The following EPB41L4A variants were observed in gnomAD, a reference collection of about 807,000 sequenced individuals.
EPB41L4A encodes erythrocyte membrane protein band 4.1 like 4A, also known as band 4.1-like protein 4A.
Under a neutral mutation model 108.6 loss-of-function variants are expected in EPB41L4A, and 100 were observed. The observed-to-expected ratio is 0.92, with a 90% CI of 0.78 to 1.09. The LOEUF is 1.09. Among genes scored for constraint, EPB41L4A ranks in the 50% least tolerant of loss-of-function variants. The pLI is 0.00. For missense variants in EPB41L4A, 1,030 were observed against 842.7 expected (o/e 1.22, Z -2.75); for synonymous variants, 319 against 289.0 (o/e 1.10, Z -1.05).
chr5:112,298,764 TC>T (rs1754174290), intron 2 of EPB41L4A, among the ~76,000 whole-genome samples: 2 of 152,208 alleles, frequency 1.3e-5, no homozygotes, highest in African/African-American at 4.8e-5. Flanking sequence ...TCAACTTGAA[TC>T]CATCTGGTCC....
downstream of EPB41L4A, among the ~76,000 whole-genome samples, chr5:112,158,134 G>A (rs921681191): frequency 3.3e-5 from 5 of 152,162 alleles, no homozygotes; most frequent in Admixed American, 2.0e-4. Flanking sequence ...AAAGTTTAGG[G>A]AAGAGATACA....
intron 4 of EPB41L4A, among the ~76,000 whole-genome samples, chr5:112,272,470 G>C (rs1409115333): frequency 6.6e-6 from 1 of 151,800 alleles, no homozygotes; most frequent in African/African-American, 2.4e-5. Flanking sequence ...AAACAACCTG[G>C]ATGGCCAAAG....
chr5:112,206,670 T>TA (rs1470847032), intron 13 of EPB41L4A, among the ~76,000 whole-genome samples: 2 of 151,952 alleles, frequency 1.3e-5, no homozygotes, highest in Non-Finnish European at 2.9e-5. Flanking sequence ...AATAGGGAGA[T>TA]AAAAGAGGAA....
At chr5:112,145,867 A>C (rs1490744232) in intron 13 of EPB41L4A, 1 of 453,526 alleles carries the variant, frequency 2.2e-6, no homozygotes, top group Admixed American at 2.4e-5. Context: ...ATCAATATAC[A>C]TAATTACACT....
In EPB41L4A at chr5:112,346,216, ATTTTTTTTTT is replaced by A. The variant is rs561328868; in HGVS notation, c.100-38736_100-38727del. Among the ~76,000 whole-genome samples the A allele has an allele frequency of 6.1e-4, 41 of 67,348 alleles. 1 individual carries two copies. The South Asian group carries it at 0.019, about 32-fold the overall frequency. The allele number at this position is 67,348 out of a possible 152,430, so 44.2% of individuals were successfully genotyped here. On this transcript the variant is annotated intron_variant, in intron 1 of 22. Coordinates refer to ENST00000261486, the MANE Select transcript of EPB41L4A (RefSeq NM_022140.5). Reference sequence around the variant, plus strand: ...AATTCTTTAAAGTTAGGTACATTGCATTTTTTTTTTTTTTTTTTTTTTTTTTTGAGAAGGA... The same window carrying A: ...AATTCTTTAAAGTTAGGTACATTGCATTTTTTTTTTTTTTTTTGAGAAGGA...
At chr5:112,362,098 AATTTT>A (rs1758805179) in intron 1 of EPB41L4A, among the ~76,000 whole-genome samples, 1 of 152,040 alleles carries the variant, frequency 6.6e-6, no homozygotes, top group Non-Finnish European at 1.5e-5. Flanking sequence ...TCATAGCATT[AATTTT>A]ATTTAGTTTT....
At chr5:112,276,903 C>A (rs1303659638) in intron 3 of EPB41L4A, among the ~76,000 whole-genome samples, 1 of 152,104 alleles carries the variant, frequency 6.6e-6, no homozygotes, top group Non-Finnish European at 1.5e-5. Flanking sequence ...TAAAGACACT[C>A]CTTATGCTAC....
At chr5:112,376,436 C>T (rs1199322918) in intron 1 of EPB41L4A, among the ~76,000 whole-genome samples, 4 of 152,130 alleles carry the variant, frequency 2.6e-5, no homozygotes, top group Non-Finnish European at 5.9e-5. Flanking sequence ...CTGGTGGGAC[C>T]GTAAAATGGT....
At chr5:112,414,016 C>T (rs1422699569) in intron 1 of EPB41L4A, among the ~76,000 whole-genome samples, 2 of 152,168 alleles carry the variant, frequency 1.3e-5, no homozygotes, top group Non-Finnish European at 2.9e-5. Flanking sequence ...AAGGTGAATA[C>T]TGTACATCAT....
At chr5:112,190,474 G>A (rs1369514525) in intron 17 of EPB41L4A, among the ~76,000 whole-genome samples, 1 of 152,146 alleles carries the variant, frequency 6.6e-6, no homozygotes, top group Non-Finnish European at 1.5e-5. Context: ...GAATCCTGGT[G>A]TAAAAATAAC....
At chr5:112,218,194 G>A (rs900722779) in intron 12 of EPB41L4A, among the ~76,000 whole-genome samples, 4 of 152,216 alleles carry the variant, frequency 2.6e-5, no homozygotes, top group African/African-American at 9.7e-5. Context: ...CTTCAAAGGA[G>A]TAGGATGAGA....
At chr5:112,297,691 T>C (rs1754088124) in intron 2 of EPB41L4A, among the ~76,000 whole-genome samples, 1 of 152,220 alleles carries the variant, frequency 6.6e-6, no homozygotes, top group African/African-American at 2.4e-5. Flanking sequence ...GGGTTCTTGG[T>C]CATGAAATCT....
At chr5:112,227,959 G>A (rs540969231) in intron 12 of EPB41L4A, among the ~76,000 whole-genome samples, 1 of 152,288 alleles carries the variant, frequency 6.6e-6, no homozygotes, top group African/African-American at 2.4e-5. Flanking sequence ...ATCATCCCCT[G>A]GAGTTGGCCC....
chr5:112,155,958 A>T (rs1759632472), intron 12 of EPB41L4A, among the ~76,000 whole-genome samples: 1 of 152,158 alleles, frequency 6.6e-6, no homozygotes, highest in African/African-American at 2.4e-5. Context: ...TCAAATTTTT[A>T]AAACAGTATG....
chr5:112,208,765 C>T (rs961287142), intron 13 of EPB41L4A, among the ~76,000 whole-genome samples: 1 of 152,162 alleles, frequency 6.6e-6, no homozygotes, highest in African/African-American at 2.4e-5. Flanking sequence ...GGATTGTACT[C>T]CTTCTGCACA....
chr5:112,197,721 G>A (rs1334002258), intron 15 of EPB41L4A, among the ~76,000 whole-genome samples: 1 of 152,052 alleles, frequency 6.6e-6, no homozygotes, highest in Non-Finnish European at 1.5e-5. Context: ...CTCATACCTG[G>A]ACCTTTGACT....
At chr5:112,325,729 C>T (rs761830943) in intron 1 of EPB41L4A, among the ~76,000 whole-genome samples, 1 of 152,176 alleles carries the variant, frequency 6.6e-6, no homozygotes, top group Non-Finnish European at 1.5e-5. Flanking sequence ...AGGTTTCATC[C>T]AGCCCTACTT....
At chr5:112,296,508 T>A (rs936812643) in intron 2 of EPB41L4A, among the ~76,000 whole-genome samples, 1 of 152,120 alleles carries the variant, frequency 6.6e-6, no homozygotes, top group African/African-American at 2.4e-5. Flanking sequence ...AGAGTTGGAA[T>A]CATTCCAGGA....
chr5:112,275,465 T>C (rs1752566823), intron 3 of EPB41L4A, 61 bp from the exon 4 acceptor site: 4 of 1,264,946 alleles, frequency 3.2e-6, no homozygotes, highest in Middle Eastern at 2.7e-4. Context: ...AGTTACAGTA[T>C]AATATTATAC....
Sources: allele counts gnomAD v4.1 joint callset (sites outside exome capture counted in the v4.1 genomes callset), GRCh38; gene constraint gnomAD v4.1.1; transcripts MANE v1.5; gene names NCBI Gene and HGNC (gene_info 2026-07-23, HGNC 2026-07-21).